NUCKS1: variants seen among roughly 807,000 people sequenced by gnomAD.
NUCKS1 encodes the protein nuclear ubiquitous casein and cyclin-dependent kinase substrate 1.
NUCKS1 carries 2 observed loss-of-function variants against 33.0 expected under a neutral mutation model. That is an observed-to-expected ratio of 0.06 (90% confidence interval 0.02 to 0.19). The LOEUF (loss-of-function observed/expected upper bound fraction) is 0.19. Ranked by LOEUF, NUCKS1 falls within the 10% of genes least tolerant of loss-of-function variation. The probability of loss-of-function intolerance (pLI) is 1.00; values close to 1 mark genes in which losing one functional copy is unlikely to be tolerated. For synonymous variants in NUCKS1, 106 were observed against 102.8 expected (o/e 1.03, Z -0.19); for missense variants, 201 against 293.6 (o/e 0.68, Z 2.31).
rs1172376699 is a variant in NUCKS1, at chr1:205,734,863, C to A, written c.18-5242G>T. On this transcript the variant is annotated intron_variant, in intron 1 of 6. Coordinates refer to ENST00000367142, the MANE Select transcript of NUCKS1 (RefSeq NM_022731.5). ...TGGGCCAAGATTGTGCCACTGCACT[C>A]CAGCCTGGGTGATAGAGCAAGACTC... Among the ~76,000 whole-genome samples, 6 of 152,126 alleles carry A rather than the reference C, an allele frequency of 3.9e-5. No individual in the cohort carries two copies. The East Asian group carries it at 1.2e-3, about 29-fold the overall frequency.
chr1:205,746,432 T>G (rs1366246554), intron 1 of NUCKS1, among the ~76,000 whole-genome samples: 1 of 111,204 alleles, frequency 9.0e-6, no homozygotes, highest in Non-Finnish European at 1.9e-5. Flanking sequence ...GTTAATAAAC[T>G]CACTTCTCTC....
chr1:205,727,065 A>C (rs534470256), intron 3 of NUCKS1, among the ~76,000 whole-genome samples: 31 of 152,164 alleles, frequency 2.0e-4, no homozygotes, highest in Non-Finnish European at 3.7e-4. Flanking sequence ...CTGGGCTCAA[A>C]GGATCCTCCT....
chr1:205,719,207 G>A (rs1293011057), intron 6 of NUCKS1, among the ~76,000 whole-genome samples: 2 of 152,166 alleles, frequency 1.3e-5, no homozygotes, highest in African/African-American at 2.4e-5. Context: ...TGATACCAGT[G>A]AGGAAAAAAG....
Position 205,750,043 on chromosome 1 carries a change from G to GCCC in NUCKS1, c.-73_-71dup. ...ACCCCCCCCACCCCGCGCGCTCGGC[G>GCCC]CCCCACCCCCCCCGAACTTCAGCCG... is the stretch of plus-strand genomic sequence containing the variant. On this transcript the variant is annotated 5_prime_UTR_variant, in exon 1 of 7. Transcript: ENST00000367142. 7.9e-7 allele frequency: 1 copy of GCCC among 1,271,638 alleles called. No homozygotes were observed. Among genetic ancestry groups the GCCC allele is most frequent in the Non-Finnish European group, 1.0e-6 (1 of 984,490 alleles). 78.8% of individuals were successfully genotyped at this position (1,271,638 alleles called of 1,614,324 possible).
chr1:205,731,360 T>A (rs576823045), intron 1 of NUCKS1: 3 of 152,392 alleles, frequency 2.0e-5, no homozygotes, highest in South Asian at 4.1e-4. Flanking sequence ...CAGAATCTAT[T>A]TGACTCTAAA....
chr1:205,718,305 T>A lies in NUCKS1; in HGVS notation c.707A>T (p.Asp236Val). 6.2e-7 allele frequency: 1 copy of A among 1,613,120 alleles called. No homozygotes were observed. The highest frequency in any genetic ancestry group is 8.5e-7 in the Non-Finnish European group (1 of 1,179,806). The change falls in exon 7 of 7, where the codon GAT becomes GTT. Residue 236 changes from aspartate to valine, a missense_variant. By Grantham distance (152) the Asp-to-Val change is radical. Coordinates refer to ENST00000367142, the MANE Select transcript of NUCKS1 (RefSeq NM_022731.5). The part of the protein sequence containing the change: ...PEKSGDEGSE[D>V]EAPSGED ...TTAATCCTCCCCAGAAGGGGCTTCATCTTCAGACCCTTCATCCCCAGATTT... is the reference window on the plus strand; with the variant it reads ...TTAATCCTCCCCAGAAGGGGCTTCAACTTCAGACCCTTCATCCCCAGATTT...
chr1:205,744,389 AAG>A (rs1654259813), intron 1 of NUCKS1, among the ~76,000 whole-genome samples: 1 of 152,188 alleles, frequency 6.6e-6, no homozygotes, highest in Non-Finnish European at 1.5e-5. Context: ...AATATGTATA[AAG>A]TACCTGGTGG....
intron 4 of NUCKS1, among the ~76,000 whole-genome samples, chr1:205,723,170 G>T (rs1285396576): frequency 7.2e-5 from 11 of 152,156 alleles, no homozygotes; most frequent in Admixed American, 7.2e-4. Context: ...GCTAAGCAGA[G>T]TGAATTTAGC....
At chr1:205,732,482 C>T (rs904054329) in intron 1 of NUCKS1, among the ~76,000 whole-genome samples, 1 of 152,054 alleles carries the variant, frequency 6.6e-6, no homozygotes, top group Non-Finnish European at 1.5e-5. Context: ...GAACTATACA[C>T]TTAAAAATGG....
Position 205,717,321 on chromosome 1 carries a change from A to G in NUCKS1, c.*959T>C, listed in dbSNP as rs1264940916. 2.0e-6 allele frequency: 2 copies of G among 987,376 alleles called. No homozygotes were observed. The highest frequency in any genetic ancestry group is 2.4e-6 in the Non-Finnish European group (2 of 830,024). The allele number at this position is 987,376 out of a possible 1,614,324, so 61.2% of individuals were successfully genotyped here. On this transcript the variant is annotated 3_prime_UTR_variant, in exon 7 of 7. Coordinates refer to ENST00000367142, the MANE Select transcript of NUCKS1 (RefSeq NM_022731.5). Reference sequence around the variant, plus strand: ...ACATTAACTGGAACTTTATTTGCTTAAAACCTAAACATTGTCAGTTTGAAA... The same window carrying G: ...ACATTAACTGGAACTTTATTTGCTTGAAACCTAAACATTGTCAGTTTGAAA...
At position 205,713,534 on chromosome 1, in the gene NUCKS1, C is replaced by CCATCACACGATTCTACCAAT. The variant is rs1671777523; in HGVS notation, c.*4726_*4745dup. The CCATCACACGATTCTACCAAT allele has an allele frequency of 6.6e-6, 1 of 152,144 alleles. No individual in the cohort carries two copies. The highest frequency in any genetic ancestry group is 6.5e-5 in the Admixed American group (1 of 15,274). The allele number at this position is 152,144 out of a possible 1,614,324, so 9.4% of individuals were successfully genotyped here. A position where few individuals can be genotyped will look rare whatever the true frequency, so the allele number is the denominator to read the frequency against. ...TGTAAAAATTAAGTATCACAAAAGA[C>CCATCACACGATTCTACCAAT]CATCACACGATTCTACCAATGCATG... On this transcript the variant is annotated 3_prime_UTR_variant, in exon 7 of 7. Transcript: ENST00000367142.
chr1:205,721,041 A>T (rs1018786304), intron 4 of NUCKS1, among the ~76,000 whole-genome samples: 60 of 150,708 alleles, frequency 4.0e-4, no homozygotes, highest in African/African-American at 1.4e-3. Context: ...GTTCTCGCTT[A>T]TAAGTGGGAG....
At chr1:205,746,232 T>C (rs554991266) in intron 1 of NUCKS1, among the ~76,000 whole-genome samples, 14 of 150,764 alleles carry the variant, frequency 9.3e-5, no homozygotes, top group Admixed American at 7.9e-4. Context: ...GAGGTGGAGG[T>C]TGCAATGAGC....
At chr1:205,732,362 G>A (rs1394516180) in intron 1 of NUCKS1, among the ~76,000 whole-genome samples, 2 of 152,164 alleles carry the variant, frequency 1.3e-5, no homozygotes, top group Non-Finnish European at 2.9e-5. Flanking sequence ...TAGAGTGGTG[G>A]TTGCCAGAGG....
intron 1 of NUCKS1, among the ~76,000 whole-genome samples, chr1:205,741,446 GAC>G (rs1174298306): frequency 1.3e-5 from 2 of 152,132 alleles, no homozygotes; most frequent in Non-Finnish European, 2.9e-5. Context: ...TGCAACTGGG[GAC>G]AGAGAAACCT....
intron 1 of NUCKS1, among the ~76,000 whole-genome samples, chr1:205,733,524 A>G (rs1444124794): frequency 4.6e-5 from 7 of 152,116 alleles, no homozygotes; most frequent in Non-Finnish European, 7.4e-5. Flanking sequence ...AAATCATGTA[A>G]TTTCTCTGGG....
Position 205,716,177 on chromosome 1 carries a change from T to A in NUCKS1, c.*2103A>T, listed in dbSNP as rs1044301104. On this transcript the variant is annotated 3_prime_UTR_variant, in exon 7 of 7. Coordinates refer to ENST00000367142, the MANE Select transcript of NUCKS1 (RefSeq NM_022731.5). ...AAAATATGTGCATATATCACAGAGATGTTAGTGCAGATTAATATATTAAAG... is the reference window on the plus strand; with the variant it reads ...AAAATATGTGCATATATCACAGAGAAGTTAGTGCAGATTAATATATTAAAG... The A allele has an allele frequency of 1.3e-5, 2 of 152,146 alleles. No individual in the cohort carries two copies. The highest frequency in any genetic ancestry group is 2.9e-5 in the Non-Finnish European group (2 of 68,038). 9.4% of individuals were successfully genotyped at this position (152,146 alleles called of 1,614,324 possible). A position where few individuals can be genotyped will look rare whatever the true frequency, so the allele number is the denominator to read the frequency against.
chr1:205,725,283 AC>A (rs1558050851), intron 3 of NUCKS1, among the ~76,000 whole-genome samples: 5 of 152,238 alleles, frequency 3.3e-5, no homozygotes, highest in African/African-American at 1.2e-4. Context: ...ATTCTGAAGA[AC>A]AAAAACCAAA....
chr1:205,736,354 A>C (rs984987863), intron 1 of NUCKS1, among the ~76,000 whole-genome samples: 6 of 152,158 alleles, frequency 3.9e-5, no homozygotes, highest in Non-Finnish European at 7.4e-5. Context: ...AAAACCTATC[A>C]AAGTCTGATG....
Sources: allele counts gnomAD v4.1 joint callset (sites outside exome capture counted in the v4.1 genomes callset), GRCh38; gene constraint gnomAD v4.1.1; transcripts MANE v1.5; gene names NCBI Gene and HGNC (gene_info 2026-07-23, HGNC 2026-07-21).